GIGYF2: variants seen among roughly 807,000 people sequenced by gnomAD.
GIGYF2 encodes the protein GRB10 interacting GYF protein 2.
GIGYF2 carries 25 observed loss-of-function variants against 208.1 expected under a neutral mutation model. That is an observed-to-expected ratio of 0.12 (90% CI 0.09 to 0.17). GIGYF2 has a LOEUF of 0.17. Among genes scored for constraint, GIGYF2 ranks in the 10% least tolerant of loss-of-function variants. The pLI is 1.00. For synonymous variants in GIGYF2, 534 were observed against 543.8 expected (o/e 0.98, Z 0.25); for missense variants, 1,302 against 1,579.4 (o/e 0.82, Z 2.98).
rs550260175 is a variant in GIGYF2, at chr2:232,854,050, T to C, written c.3833-2743T>C. Among the ~76,000 whole-genome samples the C allele has an allele frequency of 9.8e-5, 15 of 152,362 alleles. No homozygotes were observed. The South Asian group carries it at 3.1e-3, about 32-fold the overall frequency. ...ATTACACTTCCACTTCTTTTGCATA[T>C]AGTTCATTATTGCCTTTTATCACAT... On this transcript the variant is annotated intron_variant, in intron 28 of 28. Coordinates refer to ENST00000373563, the MANE Select transcript of GIGYF2 (RefSeq NM_001103146.3).
rs1690727595 is a variant in GIGYF2 at position 232,860,333 on chromosome 2, C to A, written c.*3473C>A. 1 of 151,374 alleles carries A rather than the reference C, an allele frequency of 6.6e-6. No individual in the cohort carries two copies. Among genetic ancestry groups the A allele is most frequent in the South Asian group, 2.1e-4 (1 of 4,810 alleles). 9.4% of individuals were successfully genotyped at this position (151,374 alleles called of 1,614,324 possible). ...AATTTTAGGATAGATAATGGTACTT[C>A]TGGCTTTATTTAAATAATTTTTTTA... is the stretch of plus-strand genomic sequence containing the variant. On this transcript the variant is annotated 3_prime_UTR_variant, in exon 29 of 29. Coordinates refer to ENST00000373563, the MANE Select transcript of GIGYF2 (RefSeq NM_001103146.3).
chr2:232,710,690 T>G (rs1053453113), intron 2 of GIGYF2, among the ~76,000 whole-genome samples: 1 of 141,184 alleles, frequency 7.1e-6, no homozygotes, highest in South Asian at 2.6e-4. Context: ...GATCTTGGTG[T>G]TCTTTTTTTT....
intron 15 of GIGYF2, among the ~76,000 whole-genome samples, chr2:232,808,528 T>C (rs569060876): frequency 5.4e-4 from 83 of 152,336 alleles, no homozygotes; most frequent in African/African-American, 1.9e-3. Context: ...TAGTTTTTCA[T>C]GTAGACATTT....
At position 232,747,212 on chromosome 2, in the gene GIGYF2, C is replaced by A. The variant is rs558278717; in HGVS notation, c.42-403C>A. 7.2e-5 allele frequency among the ~76,000 whole-genome samples: 11 copies of A among 152,228 alleles called. No individual in the cohort carries two copies. In the South Asian group the frequency reaches 2.3e-3, roughly 32 times the overall value. On this transcript the variant is annotated intron_variant, in intron 3 of 28. Transcript: ENST00000373563. Reference sequence around the variant, plus strand: ...TACCACAAACACTACTTGAAAGTTTCCATTGTTTTACATCCTTACCAACAC... The same window carrying A: ...TACCACAAACACTACTTGAAAGTTTACATTGTTTTACATCCTTACCAACAC...
rs992784355 is a variant in GIGYF2, at chr2:232,858,196, G to C, written c.*1336G>C. 3 of 290,024 alleles carry C rather than the reference G, an allele frequency of 1.0e-5. No individual in the cohort carries two copies. The highest frequency in any genetic ancestry group is 4.5e-5 in the African/African-American group (2 of 44,268). 18.0% of individuals were successfully genotyped at this position (290,024 alleles called of 1,614,324 possible). ...ACTGGGTTGGAGTCATTGGGCAGCT[G>C]TGCCTGTGCGAGAGGTGCTGTGGTC... On this transcript the variant is annotated 3_prime_UTR_variant, in exon 29 of 29. Transcript: ENST00000373563.
intron 12 of GIGYF2, among the ~76,000 whole-genome samples, chr2:232,793,792 A>T (rs1021391405): frequency 1.3e-5 from 2 of 152,182 alleles, no homozygotes; most frequent in Non-Finnish European, 2.9e-5. Flanking sequence ...GAGACAGGAG[A>T]GTAGAGTGCA....
At chr2:232,714,345 A>G (rs1425857029) in intron 2 of GIGYF2, among the ~76,000 whole-genome samples, 1 of 152,220 alleles carries the variant, frequency 6.6e-6, no homozygotes, top group Non-Finnish European at 1.5e-5. Context: ...GTACATTTGT[A>G]GATAATGTTC....
Position 232,849,548 on chromosome 2 carries a change from A to C in GIGYF2, c.3685-714A>C, listed in dbSNP as rs115161382. On this transcript the variant is annotated intron_variant, in intron 27 of 28. Coordinates refer to ENST00000373563, the MANE Select transcript of GIGYF2 (RefSeq NM_001103146.3). ...TGTGAAATGGCTTCTCTGTGGGCTAAAACAGGAAGATGGAAGCCCAGTAAG... is the reference window on the plus strand; with the variant it reads ...TGTGAAATGGCTTCTCTGTGGGCTACAACAGGAAGATGGAAGCCCAGTAAG... Among the ~76,000 whole-genome samples the C allele has an allele frequency of 9.8e-3, 1,485 of 152,252 alleles. 15 individuals are homozygous for C. Among genetic ancestry groups the C allele is most frequent in the Admixed American group, 0.015 (234 of 15,292 alleles).
chr2:232,729,694 G>T, intron 2 of GIGYF2: 1 of 802,476 alleles, frequency 1.2e-6, no homozygotes, highest in Non-Finnish European at 2.2e-6. Context: ...CCCAGACTAA[G>T]CCATCTGCTT....
intron 22 of GIGYF2, among the ~76,000 whole-genome samples, chr2:232,835,769 C>T (rs1701568669): frequency 6.6e-6 from 1 of 152,024 alleles, no homozygotes; most frequent in Non-Finnish European, 1.5e-5. Flanking sequence ...CCGAGGTGAC[C>T]GTGGGTTTGG....
chr2:232,739,370 C>G (rs1055733788), intron 3 of GIGYF2, among the ~76,000 whole-genome samples: 7 of 134,522 alleles, frequency 5.2e-5, no homozygotes, highest in Non-Finnish European at 9.7e-5. Context: ...AACCCCCCCC[C>G]CCCCGCAAAA....
At chr2:232,744,706 A>G (rs1698085997) in intron 3 of GIGYF2, among the ~76,000 whole-genome samples, 1 of 151,520 alleles carries the variant, frequency 6.6e-6, no homozygotes, top group Non-Finnish European at 1.5e-5. Flanking sequence ...TAATTTTTGT[A>G]TTTTTTGTCA....
chr2:232,741,152 C>G (rs960086481), intron 3 of GIGYF2, among the ~76,000 whole-genome samples: 3 of 152,322 alleles, frequency 2.0e-5, no homozygotes, highest in South Asian at 4.1e-4. Flanking sequence ...ATACTCTATA[C>G]TTTTCCAAAA....
chr2:232,832,896 G>A lies in GIGYF2; in HGVS notation c.2569G>A (p.Ala857Thr). The A allele has an allele frequency of 6.4e-7, 1 of 1,557,112 alleles. No individual in the cohort carries two copies. Among genetic ancestry groups the A allele is most frequent in the Non-Finnish European group, 8.7e-7 (1 of 1,148,750 alleles). ...AAKWAREEEE[A>T]QRRLEENRLR... is the part of the protein sequence containing the mutation. ...AAAATGGGCCCGGGAAGAAGAAGAAGCCCAGCGTCGATTAGAGGAGAACCG... is the reference window on the plus strand; with the variant it reads ...AAAATGGGCCCGGGAAGAAGAAGAAACCCAGCGTCGATTAGAGGAGAACCG... The change falls in exon 22 of 29, where the codon GCC (alanine) becomes ACC (threonine). Residue 857 changes from alanine to threonine, a missense_variant. This residue lies in a region of GIGYF2 where 701 missense variants were observed against 793.0 expected (regional missense o/e 0.88). Transcript: ENST00000373563.
chr2:232,824,386 T>C (rs1402795362), intron 21 of GIGYF2, among the ~76,000 whole-genome samples: 1 of 152,220 alleles, frequency 6.6e-6, no homozygotes, highest in African/African-American at 2.4e-5. Context: ...GCTACTCCAG[T>C]GAACACATGA....
chr2:232,789,672 T>A (rs1700013372), intron 9 of GIGYF2, among the ~76,000 whole-genome samples: 1 of 152,166 alleles, frequency 6.6e-6, no homozygotes, highest in South Asian at 2.1e-4. Flanking sequence ...TTTTGCAAAG[T>A]TTGTCTCAAT....
intron 2 of GIGYF2, among the ~76,000 whole-genome samples, chr2:232,727,089 T>A (rs577503232): frequency 6.6e-6 from 1 of 152,268 alleles, no homozygotes; most frequent in East Asian, 1.9e-4. Flanking sequence ...CTCAGCTTCC[T>A]GAGTAACTGG....
chr2:232,722,893 A>G (rs1027235747), intron 2 of GIGYF2, among the ~76,000 whole-genome samples: 1 of 152,192 alleles, frequency 6.6e-6, no homozygotes, highest in Non-Finnish European at 1.5e-5. Context: ...TCATTTGCCT[A>G]CTTTTCTGAG....
At chr2:232,792,160 G>A (rs1700087576) in intron 12 of GIGYF2, among the ~76,000 whole-genome samples, 2 of 152,072 alleles carry the variant, frequency 1.3e-5, no homozygotes, top group Admixed American at 6.6e-5. Context: ...CTACTTACCA[G>A]CCTCAAAGCC....
Sources: gnomAD v4.1 joint callset for allele counts (sites outside exome capture counted in the v4.1 genomes callset) on GRCh38, gnomAD v4.1.1 for gene constraint, gnomAD v4.1.1 regional missense constraint, MANE v1.5 for transcripts, NCBI Gene and HGNC (gene_info 2026-07-23, HGNC 2026-07-21) for gene names.